Variants in JADE3 observed in about 807,000 individuals in gnomAD.
JADE3 encodes protein Jade-3.
JADE3 carries 2 observed loss-of-function variants against 50.1 expected under a neutral mutation model. That is an observed-to-expected ratio of 0.04 (90% confidence interval 0.02 to 0.13). The LOEUF is 0.13. Among genes scored for constraint, JADE3 ranks in the 10% least tolerant of loss-of-function variants. The pLI, the probability that JADE3 is intolerant of heterozygous loss-of-function variation, is 1.00. For missense variants in JADE3, 475 were observed against 634.4 expected, an observed-to-expected ratio of 0.75 and a Z score of 2.70; for synonymous variants, 218 against 232.9, an observed-to-expected ratio of 0.94 and a Z score of 0.58.
intron 1 of JADE3, among the ~76,000 whole-genome samples, chrX:46,947,166 C>T (rs1048594766): frequency 1.8e-5 from 2 of 111,366 alleles, no homozygotes; most frequent in Admixed American, 9.5e-5. Context: ...ATTATAGGTG[C>T]GCGCCACCAT....
chrX:47,047,025 A>ATCAT (rs1929392813), intron 8 of JADE3, among the ~76,000 whole-genome samples: 1 of 111,848 alleles, frequency 8.9e-6, no homozygotes, highest in South Asian at 3.7e-4. Context: ...ATTAAGGCAT[A>ATCAT]TCATTCCTCT....
intron 1 of JADE3, among the ~76,000 whole-genome samples, chrX:46,960,819 TG>T (rs1556347505): frequency 1.8e-5 from 2 of 111,508 alleles, no homozygotes; most frequent in South Asian, 7.6e-4. Context: ...ATTTGTTCAA[TG>T]CATATTTAAA....
chrX:46,941,736 ATT>A (rs58669972), intron 1 of JADE3, among the ~76,000 whole-genome samples: 157 of 92,458 alleles, frequency 1.7e-3, no homozygotes, highest in Non-Finnish European at 1.3e-3. Flanking sequence ...CTTTGCCCAC[ATT>A]TTTTTTTTTT....
intron 4 of JADE3, among the ~76,000 whole-genome samples, chrX:47,022,147 TAGA>T (rs1246485863): frequency 8.9e-6 from 1 of 112,308 alleles, no homozygotes; most frequent in Non-Finnish European, 1.9e-5. Flanking sequence ...GTCTTCCTTT[TAGA>T]AGAAGATAAC....
chrX:47,038,043 A>C (rs1443600378), intron 7 of JADE3, among the ~76,000 whole-genome samples: 2 of 111,389 alleles, frequency 1.8e-5, no homozygotes, highest in African/African-American at 6.5e-5. Flanking sequence ...GAGAACATGC[A>C]ATGTGTGTCT....
intron 4 of JADE3, among the ~76,000 whole-genome samples, chrX:47,011,107 A>G (rs1556361534): frequency 8.9e-6 from 1 of 111,850 alleles, no homozygotes; most frequent in Non-Finnish European, 1.9e-5. Context: ...CTGTCTCCAA[A>G]TAAAGTCACA....
chrX:46,953,192 A>G (rs1401208387), intron 1 of JADE3, among the ~76,000 whole-genome samples: 1 of 108,145 alleles, frequency 9.2e-6, no homozygotes, highest in African/African-American at 3.4e-5. Flanking sequence ...AGAAAAACCC[A>G]GGGGATTCCC....
chrX:47,038,999 C>T lies in JADE3; in HGVS notation c.906C>T (p.His302=), dbSNP rs781825648. Residue 302 remains histidine (H), a synonymous_variant, in exon 8 of 11, where the codon CAC becomes CAT. Coordinates refer to ENST00000614628, the MANE Select transcript of JADE3 (RefSeq NM_014735.5). ...ERMEPITKIS[H]IPPSRWALVC... ...TGGAACCGATCACGAAGATCTCCCA[C>T]ATCCCACCCAGTCGGTGGGCCTTAG... is the stretch of plus-strand genomic sequence containing the variant. 4.2e-6 allele frequency: 5 copies of T among 1,203,645 alleles called. No homozygotes were observed. In the African/African-American group the frequency reaches 5.2e-5, roughly 13 times the overall value.
At chrX:46,951,629 GTT>G (rs2082751975) in intron 1 of JADE3, among the ~76,000 whole-genome samples, 1 of 105,075 alleles carries the variant, frequency 9.5e-6, no homozygotes. Flanking sequence ...TCGTCTCTGT[GTT>G]AGATTCTAGT....
At chrX:46,989,578 A>G (rs781818360) in intron 3 of JADE3, among the ~76,000 whole-genome samples, 8 of 111,904 alleles carry the variant, frequency 7.1e-5, no homozygotes, top group Non-Finnish European at 1.5e-4. Context: ...CCATTCAAAT[A>G]GGTTGTTCTC....
intron 1 of JADE3, among the ~76,000 whole-genome samples, chrX:46,957,221 A>ATAGATAGG (rs1254365103): frequency 8.0e-5 from 8 of 99,779 alleles, no homozygotes; most frequent in Non-Finnish European, 1.7e-4. Flanking sequence ...GATTAGATAG[A>ATAGATAGG]TAGATAGATA....
At chrX:47,044,188 A>G (rs1929326597) in intron 8 of JADE3, among the ~76,000 whole-genome samples, 1 of 109,849 alleles carries the variant, frequency 9.1e-6, no homozygotes, top group African/African-American at 3.3e-5. Context: ...ATTATAAAAC[A>G]TCAAGCATAT....
intron 4 of JADE3, among the ~76,000 whole-genome samples, chrX:47,020,365 A>G (rs994964702): frequency 3.6e-5 from 4 of 110,849 alleles, no homozygotes; most frequent in Admixed American, 9.6e-5. Flanking sequence ...TCCATAGTAC[A>G]TAGCCAAGAA....
At chrX:47,001,693 A>G (rs1198937178) in intron 4 of JADE3, among the ~76,000 whole-genome samples, 1 of 112,310 alleles carries the variant, frequency 8.9e-6, no homozygotes, top group Non-Finnish European at 1.9e-5. Flanking sequence ...GTGATATGAA[A>G]TTATATTGGA....
At chrX:46,968,525 G>A (rs1556349475) in intron 1 of JADE3, among the ~76,000 whole-genome samples, 2 of 111,336 alleles carry the variant, frequency 1.8e-5, no homozygotes, top group Admixed American at 9.6e-5. Flanking sequence ...GGTGAGCTAC[G>A]ATTGTGCCAC....
At chrX:46,951,101 CAG>C (rs1926991309) in intron 1 of JADE3, among the ~76,000 whole-genome samples, 4 of 106,774 alleles carry the variant, frequency 3.7e-5, no homozygotes, top group Non-Finnish European at 5.8e-5. Flanking sequence ...TTTTTTGAGA[CAG>C]AGTCTCGCTC....
At chrX:46,952,167 G>T (rs1927018303) in intron 1 of JADE3, among the ~76,000 whole-genome samples, 1 of 112,234 alleles carries the variant, frequency 8.9e-6, no homozygotes, top group Non-Finnish European at 1.9e-5. Context: ...ATGTGAGCTG[G>T]CATTTTCATG....
chrX:47,048,290 A>G, intron 8 of JADE3, among the ~76,000 whole-genome samples: 1 of 111,999 alleles, frequency 8.9e-6, no homozygotes, highest in Non-Finnish European at 1.9e-5. Flanking sequence ...GTTACTTCTA[A>G]GGAGCTAAAG....
At chrX:47,054,916 A>G (rs1262769345) in intron 9 of JADE3, among the ~76,000 whole-genome samples, 7 of 111,965 alleles carry the variant, frequency 6.3e-5, no homozygotes, top group Admixed American at 5.7e-4. Context: ...TGGCCCATCC[A>G]TATTTTACTG....
Sources: gnomAD v4.1 joint callset for allele counts (sites outside exome capture counted in the v4.1 genomes callset) on GRCh38, gnomAD v4.1.1 for gene constraint, MANE v1.5 for transcripts, NCBI Gene and HGNC (gene_info 2026-07-23, HGNC 2026-07-21) for gene names.